Variants in LRGUK observed in about 807,000 individuals in gnomAD.
LRGUK encodes leucine rich repeats and guanylate kinase domain containing, also known as leucine-rich repeat and guanylate kinase domain-containing protein.
Under a neutral mutation model 76.0 loss-of-function variants are expected in LRGUK, and 65 were observed. The ratio of observed to expected loss-of-function variants is 0.85; its 90% CI spans 0.70 to 1.05. The LOEUF is 1.05. Among genes scored for constraint, LRGUK ranks in the 50% least tolerant of loss-of-function variants. The pLI, the probability that LRGUK is intolerant of heterozygous loss-of-function variation, is 0.00. For missense variants in LRGUK, 758 were observed against 732.8 expected (o/e 1.03, Z -0.40); for synonymous variants, 268 against 265.6 (o/e 1.01, Z -0.09).
exon 16 of LRGUK, chr7:134,209,040 T>A (rs1327098539): frequency 2.5e-6 from 1 of 399,068 alleles, no homozygotes; most frequent in African/African-American, 2.1e-5. Context: ...CAATCAGATC[T>A]TCCCCTAAAA....
intron 2 of LRGUK, 123 bp from the exon 3 acceptor site, chr7:134,139,313 C>A: frequency 4.8e-6 from 3 of 624,094 alleles, no homozygotes; most frequent in East Asian, 3.2e-5. Flanking sequence ...AGATTTTGTT[C>A]TCTCTCTTCT....
At chr7:134,183,994 T>C (rs1799872892) in intron 11 of LRGUK, 141 bp downstream of exon 11, 2 of 1,114,108 alleles carry the variant, frequency 1.8e-6, no homozygotes, top group African/African-American at 3.2e-5. Context: ...AACAACTTAA[T>C]ATTTAAGTTA....
exon 16 of LRGUK, chr7:134,209,960 C>A (rs1376698396): frequency 2.5e-6 from 1 of 399,308 alleles, no homozygotes; most frequent in African/African-American, 2.1e-5. Flanking sequence ...GGGGACTCAG[C>A]CTGATCCAAG....
chr7:134,217,036 A>C (rs1192821319), intron 15 of LRGUK, among the ~76,000 whole-genome samples: 2 of 152,190 alleles, frequency 1.3e-5, no homozygotes, highest in African/African-American at 4.8e-5. Context: ...TTTCTTTCCC[A>C]AAATCTGCTA....
chr7:134,237,046 CTTTCT>C (rs1426383534), intron 16 of LRGUK, among the ~76,000 whole-genome samples: 2 of 111,130 alleles, frequency 1.8e-5, no homozygotes, highest in Non-Finnish European at 3.2e-5. Flanking sequence ...ATGCTTTTCT[CTTTCT>C]TTTTTTTTTT....
At chr7:134,242,747 CA>C (rs888289397) in intron 16 of LRGUK, among the ~76,000 whole-genome samples, 3 of 151,408 alleles carry the variant, frequency 2.0e-5, no homozygotes, top group East Asian at 1.9e-4. Flanking sequence ...AGAGACACAA[CA>C]AAAAAAAGAG....
intron 18 of LRGUK, among the ~76,000 whole-genome samples, chr7:134,257,156 T>G (rs1307202611): frequency 6.6e-6 from 1 of 152,228 alleles, no homozygotes; most frequent in African/African-American, 2.4e-5. Context: ...GCCTTCTTGC[T>G]TAGGCCTGAA....
downstream of LRGUK, among the ~76,000 whole-genome samples, chr7:134,212,195 T>G (rs1226400780): frequency 1.3e-5 from 2 of 152,230 alleles, no homozygotes; most frequent in Admixed American, 6.5e-5. Flanking sequence ...GCACTTGTTC[T>G]TAAACCAATC....
At chr7:134,184,275 CTT>C (rs927208408) in intron 11 of LRGUK, among the ~76,000 whole-genome samples, 1 of 144,474 alleles carries the variant, frequency 6.9e-6, no homozygotes. Context: ...TCTTTTTTTT[CTT>C]TTTTTTTTTT....
At chr7:134,204,895 T>C (rs958993752) in intron 15 of LRGUK, among the ~76,000 whole-genome samples, 2 of 152,134 alleles carry the variant, frequency 1.3e-5, no homozygotes, top group Admixed American at 1.3e-4. Flanking sequence ...CAAGTGTCAG[T>C]GTGTCCAGAG....
chr7:134,190,215 T>A (rs1047948499), intron 11 of LRGUK, among the ~76,000 whole-genome samples: 1 of 152,228 alleles, frequency 6.6e-6, no homozygotes, highest in Non-Finnish European at 1.5e-5. Context: ...TATTTTATTA[T>A]TTATTTATTG....
intron 6 of LRGUK, among the ~76,000 whole-genome samples, chr7:134,158,942 C>A (rs568766977): frequency 1.3e-5 from 2 of 152,258 alleles, no homozygotes; most frequent in African/African-American, 4.8e-5. Context: ...TTCATTACAT[C>A]TATCATGGGG....
chr7:134,243,010 A>T (rs746068198), intron 16 of LRGUK, among the ~76,000 whole-genome samples: 3 of 152,234 alleles, frequency 2.0e-5, no homozygotes, highest in Non-Finnish European at 4.4e-5. Flanking sequence ...ACAGCCCTTC[A>T]TGCTAAAAAC....
At chr7:134,243,267 C>A (rs1802209870) in intron 16 of LRGUK, among the ~76,000 whole-genome samples, 1 of 152,068 alleles carries the variant, frequency 6.6e-6, no homozygotes, top group South Asian at 2.1e-4. Context: ...TCAAACTGTC[C>A]CTGTTTGCAG....
At chr7:134,146,521 C>T (rs552128224) in intron 4 of LRGUK, among the ~76,000 whole-genome samples, 14 of 152,266 alleles carry the variant, frequency 9.2e-5, no homozygotes, top group Admixed American at 3.3e-4. Flanking sequence ...TCATAGTATG[C>T]ATTTTCCATA....
chr7:134,133,939 G>C (rs1391730318), intron 1 of LRGUK, among the ~76,000 whole-genome samples: 2 of 152,008 alleles, frequency 1.3e-5, no homozygotes, highest in Admixed American at 6.5e-5. Flanking sequence ...GCACATGCCT[G>C]TAGACCCAGC....
chr7:134,168,369 TA>T (rs916058748), intron 7 of LRGUK, among the ~76,000 whole-genome samples: 1 of 151,986 alleles, frequency 6.6e-6, no homozygotes, highest in Non-Finnish European at 1.5e-5. Context: ...CCATCTCTTA[TA>T]AAAAAACAAA....
At chr7:134,137,183 C>A in intron 2 of LRGUK, 53 bp downstream of exon 2, 1 of 1,320,284 alleles carries the variant, frequency 7.6e-7, no homozygotes, top group Non-Finnish European at 1.1e-6. Context: ...CTGGCTAGAC[C>A]ATATTCATTT....
rs1357713070 is a variant in LRGUK at position 134,209,677 on chromosome 7, TC to T, written c.2816del (p.Pro939HisfsTer25). Reference sequence around the variant, plus strand: ...AAACCATGACGGTCTCTCCCAGGCTTCCACCAACCCGGGAAGCAGACACCAG... The same window carrying T: ...AAACCATGACGGTCTCTCCCAGGCTTCACCAACCCGGGAAGCAGACACCAG... On this transcript the variant is annotated frameshift_variant, in exon 16 of 16. Coordinates refer to ENST00000645682, the Ensembl canonical transcript of LRGUK. LOFTEE classifies it low-confidence loss of function (END_TRUNC). The T allele has an allele frequency of 5.0e-6, 2 of 399,234 alleles. No individual in the cohort carries two copies. The highest frequency in any genetic ancestry group is 4.1e-5 in the African/African-American group (2 of 48,538). The allele number at this position is 399,234 out of a possible 1,614,324, so 24.7% of individuals were successfully genotyped here.
Sources: gnomAD v4.1 joint callset for allele counts (sites outside exome capture counted in the v4.1 genomes callset) on GRCh38, gnomAD v4.1.1 for gene constraint, MANE v1.5 for transcripts, NCBI Gene and HGNC (gene_info 2026-07-23, HGNC 2026-07-21) for gene names.